Variants in TTC9 observed in about 807,000 individuals in gnomAD.
The protein encoded by TTC9 is tetratricopeptide repeat protein 9A.
In TTC9, 13 loss-of-function variants were observed where a neutral mutation model predicts 22.9. That is an observed-to-expected ratio of 0.57 (90% CI 0.37 to 0.90). The LOEUF (loss-of-function observed/expected upper bound fraction) is 0.90, where lower values mean the gene tolerates loss of function less well. TTC9 is among the 40% of genes least tolerant of loss of function. TTC9 has a pLI of 0.01. For missense variants in TTC9, 280 were observed against 291.8 expected (o/e 0.96, Z 0.29); for synonymous variants, 148 against 133.2 (o/e 1.11, Z -0.77).
At chr14:70,667,902 A>G (rs898931608) in intron 2 of TTC9, among the ~76,000 whole-genome samples, 156 bp downstream of exon 2, 1 of 152,192 alleles carries the variant, frequency 6.6e-6, no homozygotes, top group African/African-American at 2.4e-5. Flanking sequence ...AGAGGAGCAC[A>G]CAGCCCATGC....
Position 70,672,500 on chromosome 14 carries a change from T to C in TTC9, c.*1345T>C, listed in dbSNP as rs1268232203. On this transcript the variant is annotated 3_prime_UTR_variant, in exon 3 of 3. Transcript: ENST00000256367. ...ATATGCTGTGGGACATGGGATGTCG[T>C]CTCAGTCTTCAAGGAAATGGAAGGG... The C allele has an allele frequency of 6.6e-6, 1 of 152,232 alleles. No individual in the cohort carries two copies. Among genetic ancestry groups the C allele is most frequent in the Admixed American group, 6.5e-5 (1 of 15,282 alleles). The allele number at this position is 152,232 out of a possible 1,614,324, so 9.4% of individuals were successfully genotyped here.
chr14:70,667,830 A>G, intron 2 of TTC9, 84 bp downstream of exon 2: 1 of 1,408,796 alleles, frequency 7.1e-7, no homozygotes, highest in Non-Finnish European at 9.6e-7. Context: ...TTTCTTGGCT[A>G]GGAGGGCCAG....
intron 1 of TTC9, among the ~76,000 whole-genome samples, chr14:70,662,420 A>G (rs1410571746): frequency 1.4e-5 from 2 of 140,652 alleles, no homozygotes; most frequent in Non-Finnish European, 2.9e-5. Flanking sequence ...TGCCAAAAAA[A>G]AAAAAAAAAA....
chr14:70,647,270 A>T (rs1895311782), intron 1 of TTC9, among the ~76,000 whole-genome samples: 1 of 152,206 alleles, frequency 6.6e-6, no homozygotes, highest in Non-Finnish European at 1.5e-5. Context: ...CACCAAATAA[A>T]CTAAACTATT....
chr14:70,660,391 T>C (rs1390581294), intron 1 of TTC9, among the ~76,000 whole-genome samples: 2 of 152,254 alleles, frequency 1.3e-5, no homozygotes, highest in Non-Finnish European at 2.9e-5. Context: ...GTACCACATA[T>C]TGTATATAGG....
rs565097910 is a variant in TTC9, at chr14:70,655,945, C to T, written c.407-11619C>T. On this transcript the variant is annotated intron_variant, in intron 1 of 2. Coordinates refer to ENST00000256367, the MANE Select transcript of TTC9 (RefSeq NM_015351.2). ...CGCCATGCTGCTTGGACTCTTTCTCCCCGCCAGCTCCTCTCAGCTTCTTAG... is the reference window on the plus strand; with the variant it reads ...CGCCATGCTGCTTGGACTCTTTCTCTCCGCCAGCTCCTCTCAGCTTCTTAG... Among the ~76,000 whole-genome samples, 7 of 152,122 alleles carry T rather than the reference C, an allele frequency of 4.6e-5. No individual in the cohort carries two copies. The East Asian group carries it at 1.2e-3, about 25-fold the overall frequency.
At chr14:70,645,961 T>C (rs1885895770) in intron 1 of TTC9, among the ~76,000 whole-genome samples, 1 of 152,144 alleles carries the variant, frequency 6.6e-6, no homozygotes, top group African/African-American at 2.4e-5. Flanking sequence ...ACATCTAGGC[T>C]CAGTGAACCC....
chr14:70,655,267 A>T (rs1373657829), intron 1 of TTC9, among the ~76,000 whole-genome samples: 1 of 151,990 alleles, frequency 6.6e-6, no homozygotes, highest in Non-Finnish European at 1.5e-5. Flanking sequence ...AGTGGCGTGC[A>T]CCTGTAGTCC....
At chr14:70,667,199 C>G (rs139671467) in intron 1 of TTC9, among the ~76,000 whole-genome samples, 90 of 152,294 alleles carry the variant, frequency 5.9e-4, no homozygotes, top group African/African-American at 1.9e-3. Flanking sequence ...GGATACCAGT[C>G]ACACTGGATT....
At chr14:70,653,659 G>C (rs1027182728) in intron 1 of TTC9, among the ~76,000 whole-genome samples, 9 of 152,122 alleles carry the variant, frequency 5.9e-5, no homozygotes, top group Non-Finnish European at 1.5e-5. Flanking sequence ...GGCTCAGTTA[G>C]ACAGTGCCTG....
At chr14:70,651,310 T>C (rs567772387) in intron 1 of TTC9, among the ~76,000 whole-genome samples, 37 of 145,080 alleles carry the variant, frequency 2.6e-4, no homozygotes, top group African/African-American at 1.0e-3. Flanking sequence ...CTTTCTGTAA[T>C]GTTTGACTTC....
Position 70,654,587 on chromosome 14 carries a change from C to CAAAAAAAAA in TTC9, c.406+12079_406+12087dup, listed in dbSNP as rs61046584. 1.1e-3 allele frequency among the ~76,000 whole-genome samples: 62 copies of CAAAAAAAAA among 57,152 alleles called. 3 individuals carry two copies. The highest frequency in any genetic ancestry group is 2.7e-3 in the African/African-American group (33 of 12,108). 37.5% of individuals were successfully genotyped at this position (57,152 alleles called of 152,430 possible). On this transcript the variant is annotated intron_variant, in intron 1 of 2. Coordinates refer to ENST00000256367, the MANE Select transcript of TTC9 (RefSeq NM_015351.2). ...CCTGGGCAACAGTAAGGCTCTGTCT[C>CAAAAAAAAA]AAAAAAAAAAAAAAAAAAAAAAAAA...
chr14:70,644,268 G>A (rs1885871958), intron 1 of TTC9, among the ~76,000 whole-genome samples: 1 of 152,172 alleles, frequency 6.6e-6, no homozygotes, highest in African/African-American at 2.4e-5. Flanking sequence ...AGTCAGGGCG[G>A]GACTGAAATC....
chr14:70,652,735 G>T (rs920041213), intron 1 of TTC9, among the ~76,000 whole-genome samples: 4 of 152,218 alleles, frequency 2.6e-5, no homozygotes, highest in Non-Finnish European at 4.4e-5. Context: ...ATTTGGGGAT[G>T]TGATTCTGGG....
chr14:70,674,013 T>C lies in TTC9; in HGVS notation c.*2858T>C, dbSNP rs1277906953. 1.3e-5 allele frequency: 2 copies of C among 152,172 alleles called. No individual in the cohort carries two copies. The highest frequency in any genetic ancestry group is 4.8e-5 in the African/African-American group (2 of 41,420). 9.4% of individuals were successfully genotyped at this position (152,172 alleles called of 1,614,324 possible). ...AAAAGCTACCTGGGGTATTGGTTGA[T>C]GTTTGGGGTGATAGGGCTGAATTTT... On this transcript the variant is annotated 3_prime_UTR_variant, in exon 3 of 3. Transcript: ENST00000256367.
Position 70,673,270 on chromosome 14 carries a change from G to A in TTC9, c.*2115G>A, listed in dbSNP as rs1025769113. ...ATTATGTAAGCAGATGCCCCACCAC[G>A]GCAGGATCCAATCACAGCCGAGGGG... is the stretch of plus-strand genomic sequence containing the variant. On this transcript the variant is annotated 3_prime_UTR_variant, in exon 3 of 3. Coordinates refer to ENST00000256367, the MANE Select transcript of TTC9 (RefSeq NM_015351.2). 6.6e-6 allele frequency: 1 copy of A among 152,128 alleles called. No homozygotes were observed. The highest frequency in any genetic ancestry group is 6.6e-5 in the Admixed American group (1 of 15,264). 9.4% of individuals were successfully genotyped at this position (152,128 alleles called of 1,614,324 possible). A position where few individuals can be genotyped will look rare whatever the true frequency, so the allele number is the denominator to read the frequency against.
rs559707723 is a variant in TTC9, at chr14:70,665,136, C to T, written c.407-2428C>T. Among the ~76,000 whole-genome samples, 38 of 152,188 alleles carry T rather than the reference C, an allele frequency of 2.5e-4. No homozygotes were observed. The South Asian group carries it at 7.3e-3, about 29-fold the overall frequency. Reference sequence around the variant, plus strand: ...TTTTTATTTGTTAAATGGTCCTTTTCCTAGACTGCCAGGGTCAGCAAACAG... The same window carrying T: ...TTTTTATTTGTTAAATGGTCCTTTTTCTAGACTGCCAGGGTCAGCAAACAG... On this transcript the variant is annotated intron_variant, in intron 1 of 2. Coordinates refer to ENST00000256367, the MANE Select transcript of TTC9 (RefSeq NM_015351.2).
intron 1 of TTC9, among the ~76,000 whole-genome samples, chr14:70,659,679 A>G (rs1389403224): frequency 6.6e-6 from 1 of 152,224 alleles, no homozygotes. Flanking sequence ...AAGTGAGAAC[A>G]GTTTAGCACA....
Position 70,642,261 on chromosome 14 carries a change from C to A in TTC9, c.132C>A (p.Val44=), listed in dbSNP as rs1318944618. The A allele has an allele frequency of 6.7e-7, 1 of 1,490,130 alleles. No individual in the cohort carries two copies. The highest frequency in any genetic ancestry group is 1.5e-5 in the African/African-American group (1 of 67,918). The allele number at this position is 1,490,130 out of a possible 1,614,324, so 92.3% of individuals were successfully genotyped here. The part of the protein sequence containing the change: ...GGGGAPARGQ[V]GAAAEPAELI... ...GAGGAGCCCCAGCGAGGGGCCAGGT[C>A]GGGGCGGCGGCCGAGCCGGCCGAGC... Residue 44 remains valine, a synonymous_variant, in exon 1 of 3, where the codon GTC becomes GTA. Transcript: ENST00000256367.
Sources: gnomAD v4.1 joint callset for allele counts (sites outside exome capture counted in the v4.1 genomes callset) on GRCh38, gnomAD v4.1.1 for gene constraint, MANE v1.5 for transcripts, NCBI Gene and HGNC (gene_info 2026-07-23, HGNC 2026-07-21) for gene names.